RGS7: variants seen among roughly 807,000 people sequenced by gnomAD.
The protein encoded by RGS7 is regulator of G-protein signaling 7.
A neutral mutation model predicts 81.1 loss-of-function variants in RGS7; 27 were observed. That is an observed-to-expected ratio of 0.33 (90% CI 0.25 to 0.46). The LOEUF is 0.46. Ranked by LOEUF, RGS7 falls within the 20% of genes least tolerant of loss-of-function variation. The pLI is 1.00. For missense variants in RGS7, 396 were observed against 607.4 expected, an observed-to-expected ratio of 0.65 and a Z score of 3.66; for synonymous variants, 208 against 207.7, an observed-to-expected ratio of 1.00 and a Z score of -0.01.
At chr1:241,286,137 C>A (rs1462763738) in intron 2 of RGS7, among the ~76,000 whole-genome samples, 2 of 152,156 alleles carry the variant, frequency 1.3e-5, no homozygotes, top group Non-Finnish European at 2.9e-5. Flanking sequence ...ATTCTCTCAG[C>A]CTTTAGCCCA....
chr1:241,256,926 T>TAC (rs10552436), intron 2 of RGS7, among the ~76,000 whole-genome samples: 4,466 of 146,202 alleles, frequency 0.031, 193 homozygotes, highest in African/African-American at 0.094. Context: ...CCACTAGAAA[T>TAC]ACACACACAC....
intron 2 of RGS7, among the ~76,000 whole-genome samples, chr1:241,141,039 T>G (rs2067885320): frequency 6.6e-6 from 1 of 152,026 alleles, no homozygotes; most frequent in Non-Finnish European, 1.5e-5. Context: ...AATGTAAAAG[T>G]TTTTTCCAGT....
At chr1:241,222,175 A>G (rs547346110) in intron 2 of RGS7, among the ~76,000 whole-genome samples, 5 of 152,348 alleles carry the variant, frequency 3.3e-5, no homozygotes, top group African/African-American at 1.2e-4. Flanking sequence ...TGTGATTGTT[A>G]TAGCTGCCAG....
At chr1:241,344,401 T>A (rs1363538880) in intron 2 of RGS7, among the ~76,000 whole-genome samples, 1 of 152,236 alleles carries the variant, frequency 6.6e-6, no homozygotes, top group Non-Finnish European at 1.5e-5. Context: ...AAAATCCATG[T>A]CCCTTTTCTG....
chr1:241,182,971 T>C (rs968384512), intron 2 of RGS7, among the ~76,000 whole-genome samples: 9 of 150,832 alleles, frequency 6.0e-5, no homozygotes, highest in African/African-American at 2.2e-4. Flanking sequence ...AAAGAAAGAA[T>C]GGAAAAATGC....
At chr1:241,284,384 G>C (rs559276198) in intron 2 of RGS7, among the ~76,000 whole-genome samples, 5 of 151,916 alleles carry the variant, frequency 3.3e-5, no homozygotes, top group African/African-American at 7.3e-5. Context: ...ACCTAGGGGT[G>C]GGGGGAGTGT....
chr1:241,195,850 C>G (rs2073032171), intron 2 of RGS7, among the ~76,000 whole-genome samples: 1 of 151,864 alleles, frequency 6.6e-6, no homozygotes, highest in African/African-American at 2.4e-5. Context: ...ATTTATGGGA[C>G]AGGTACAATG....
chr1:241,316,603 C>T (rs1006590358), intron 2 of RGS7, among the ~76,000 whole-genome samples: 1 of 152,212 alleles, frequency 6.6e-6, no homozygotes, highest in Non-Finnish European at 1.5e-5. Flanking sequence ...ATCCCAACGA[C>T]AAATCCCACT....
At chr1:240,985,944 T>G (rs1558560055) in intron 3 of RGS7, among the ~76,000 whole-genome samples, 1 of 139,030 alleles carries the variant, frequency 7.2e-6, no homozygotes, top group African/African-American at 2.6e-5. Context: ...TTTTCCAGCT[T>G]TATATTAAAT....
rs1158456568 is a variant in RGS7 at position 241,350,749 on chromosome 1, A to AG, written c.78+4949_78+4950insC. ...ACAATGAGACCCCATCTCAAAAAAA[A>AG]AAAAAAAAAAAAAAAAAAGCCAAAG... On this transcript the variant is annotated intron_variant, in intron 2 of 18. Coordinates refer to ENST00000440928, the MANE Select transcript of RGS7 (RefSeq NM_001364886.1). 5.2e-3 allele frequency among the ~76,000 whole-genome samples: 95 copies of AG among 18,414 alleles called. 1 individual carries two copies. Among genetic ancestry groups the AG allele is most frequent in the African/African-American group, 7.1e-3 (86 of 12,112 alleles). The allele number at this position is 18,414 out of a possible 152,430, so 12.1% of individuals were successfully genotyped here.
At chr1:241,246,794 T>C (rs1281658468) in intron 2 of RGS7, among the ~76,000 whole-genome samples, 1 of 151,834 alleles carries the variant, frequency 6.6e-6, no homozygotes, top group Non-Finnish European at 1.5e-5. Flanking sequence ...TCTTGTAGAA[T>C]TAGAGGCCCA....
chr1:240,877,724 T>C (rs926840912), intron 6 of RGS7, among the ~76,000 whole-genome samples: 1 of 152,228 alleles, frequency 6.6e-6, no homozygotes, highest in African/African-American at 2.4e-5. Context: ...TACACGCATG[T>C]ATATATATGT....
At chr1:240,817,759 C>T (rs1295257567) in intron 10 of RGS7, among the ~76,000 whole-genome samples, 1 of 152,118 alleles carries the variant, frequency 6.6e-6, no homozygotes, top group Non-Finnish European at 1.5e-5. Flanking sequence ...CGTGCCACCA[C>T]ACCCGGCTAA....
chr1:241,327,014 GGA>G (rs2148633136), intron 2 of RGS7, among the ~76,000 whole-genome samples: 1 of 15,918 alleles, frequency 6.3e-5, no homozygotes, highest in East Asian at 1.5e-3. Context: ...AAGGAAGGAA[GGA>G]AGGAAGGAAG....
intron 6 of RGS7, among the ~76,000 whole-genome samples, chr1:240,904,858 G>T (rs902003541): frequency 6.6e-6 from 1 of 152,118 alleles, no homozygotes; most frequent in African/African-American, 2.4e-5. Context: ...TTCAATTTCA[G>T]TTCATAATGC....
At chr1:241,101,045 G>A (rs1411979116) in intron 2 of RGS7, among the ~76,000 whole-genome samples, 2 of 152,220 alleles carry the variant, frequency 1.3e-5, no homozygotes, top group Non-Finnish European at 2.9e-5. Flanking sequence ...GCCCTAGTGG[G>A]TAAGCAAGTC....
At chr1:241,142,846 C>T (rs371919404) in intron 2 of RGS7, among the ~76,000 whole-genome samples, 129 of 152,282 alleles carry the variant, frequency 8.5e-4, no homozygotes, top group African/African-American at 2.9e-3. Context: ...TGTCAAGCTG[C>T]GAATTTTCCA....
chr1:240,930,552 G>A (rs1223258603), intron 6 of RGS7, among the ~76,000 whole-genome samples, 165 bp downstream of exon 6: 1 of 152,032 alleles, frequency 6.6e-6, no homozygotes, highest in African/African-American at 2.4e-5. Flanking sequence ...ACGAGGTCTG[G>A]TGACTTTCCA....
chr1:240,841,100 T>C (rs16840822), intron 9 of RGS7, among the ~76,000 whole-genome samples: 6,055 of 152,254 alleles, frequency 0.04, 435 homozygotes, highest in African/African-American at 0.14. Flanking sequence ...ACATTTCTAG[T>C]GCAGAAAAAT....
Sources: allele counts gnomAD v4.1 joint callset (sites outside exome capture counted in the v4.1 genomes callset), GRCh38; gene constraint gnomAD v4.1.1; transcripts MANE v1.5; gene names NCBI Gene and HGNC (gene_info 2026-07-23, HGNC 2026-07-21).